The following FSIP2 variants were observed in gnomAD, a reference collection of about 807,000 sequenced individuals.
FSIP2 encodes fibrous sheath interacting protein 2, also known as fibrous sheath-interacting protein 2.
In FSIP2, 367 loss-of-function variants were observed where a neutral mutation model predicts 510.5. The ratio of observed to expected loss-of-function variants is 0.72; its 90% CI spans 0.66 to 0.78. The LOEUF is 0.78. Among genes scored for constraint, FSIP2 ranks in the 30% least tolerant of loss-of-function variants. The pLI is 0.00. For missense variants in FSIP2, 7,594 were observed against 7,901.7 expected (o/e 0.96, Z 1.48); for synonymous variants, 2,601 against 2,732.2 (o/e 0.95, Z 1.50).
chr2:185,739,732 T>A (rs934418040), intron 2 of FSIP2, among the ~76,000 whole-genome samples: 1 of 152,186 alleles, frequency 6.6e-6, no homozygotes, highest in Non-Finnish European at 1.5e-5. Flanking sequence ...ATATTCCTTA[T>A]AATAAAACTT....
intron 19 of FSIP2, among the ~76,000 whole-genome samples, chr2:185,815,850 C>T (rs1031821997): frequency 1.3e-5 from 2 of 151,898 alleles, no homozygotes; most frequent in Non-Finnish European, 2.9e-5. Context: ...ACTGTCATTG[C>T]CTATAAGAAG....
chr2:185,804,885 C>G lies in FSIP2; in HGVS notation c.15579C>G (p.Ser5193=). 1 of 1,524,350 alleles carries G rather than the reference C, an allele frequency of 6.6e-7. No individual in the cohort carries two copies. The highest frequency in any genetic ancestry group is 1.2e-5 in the South Asian group (1 of 81,980). 94.4% of individuals were successfully genotyped at this position (1,524,350 alleles called of 1,614,324 possible). ...AACCTATTGAAAATTTGGTCGACTC[C>G]ATATGTAATAATATTTTGAAAACAT... is the stretch of plus-strand genomic sequence containing the variant. ...QLEPIENLVD[S]ICNNILKTSE... The change falls in exon 17 of 23, where the codon TCC becomes TCG. Residue 5193 remains serine (S), a synonymous_variant. Coordinates refer to ENST00000424728, the MANE Select transcript of FSIP2 (RefSeq NM_173651.4).
In FSIP2 at chr2:185,802,280, A is replaced by G. The variant is rs1438181905; in HGVS notation, c.12974A>G (p.His4325Arg). ...TTGTCAAAGATTTTCAGCCCAAAGC[A>G]TAACACTGAAATTGAGTTGAAAAAC... ...RLLSKIFSPK[H>R]NTEIELKNMT... The change falls in exon 17 of 23, where the codon CAT (histidine) becomes CGT (arginine). Residue 4325 changes from histidine (H) to arginine (R), a missense_variant. Coordinates refer to ENST00000424728, the MANE Select transcript of FSIP2 (RefSeq NM_173651.4). 5 of 1,533,736 alleles carry G rather than the reference A, an allele frequency of 3.3e-6. No homozygotes were observed. In the African/African-American group the frequency reaches 5.5e-5, roughly 17 times the overall value.
At position 185,808,837 on chromosome 2, in the gene FSIP2, A is replaced by C; in HGVS notation, c.19531A>C (p.Asn6511His). 1 of 1,612,652 alleles carries C rather than the reference A, an allele frequency of 6.2e-7. No individual in the cohort carries two copies. Among genetic ancestry groups the C allele is most frequent in the Non-Finnish European group, 8.5e-7 (1 of 1,179,388 alleles). ...ATTAGAGCAAGAAAAGTTAGATCAAAATTTATCTGAAGAGGAATCTCCAAT... is the reference window on the plus strand; with the variant it reads ...ATTAGAGCAAGAAAAGTTAGATCAACATTTATCTGAAGAGGAATCTCCAAT... ...PELEQEKLDQNLSEEESPIKI... is the reference protein window; with the variant it reads ...PELEQEKLDQHLSEEESPIKI... The change falls in exon 17 of 23, where the codon AAT becomes CAT. Residue 6511 changes from asparagine (N) to histidine (H), a missense_variant. Coordinates refer to ENST00000424728, the MANE Select transcript of FSIP2 (RefSeq NM_173651.4).
In FSIP2 at chr2:185,801,708, T is replaced by C. The variant is rs56821185; in HGVS notation, c.12402T>C (p.Tyr4134=). ...CTCTACCCAGGTCTTCATCAGACTA[T>C]AGTACCATGTTATCACATTCATTTT... The part of the protein sequence containing the change: ...FTSLPRSSSD[Y]STMLSHSFLE... Residue 4134 remains tyrosine (Y), a synonymous_variant, in exon 17 of 23, where the codon TAT becomes TAC. Transcript: ENST00000424728. 2,084 of 1,529,512 alleles carry C rather than the reference T, an allele frequency of 1.4e-3. 20 individuals carry two copies. The African/African-American group carries it at 0.026, about 19-fold the overall frequency. The allele number at this position is 1,529,512 out of a possible 1,614,324, so 94.7% of individuals were successfully genotyped here. A position where few individuals can be genotyped will look rare whatever the true frequency, so the allele number is the denominator to read the frequency against.
At chr2:185,762,187 G>A (rs1349712866) in intron 11 of FSIP2, among the ~76,000 whole-genome samples, 170 bp downstream of exon 11, 2 of 151,128 alleles carry the variant, frequency 1.3e-5, no homozygotes, top group Non-Finnish European at 3.0e-5. Context: ...CCATATATTT[G>A]AGTGATTGCT....
chr2:185,809,128 C>A lies in FSIP2; in HGVS notation c.19822C>A (p.Leu6608Ile). Residue 6608 changes from leucine to isoleucine, a missense_variant, in exon 17 of 23, where the codon CTA becomes ATA. By Grantham distance (5) the Leu-to-Ile change is conservative (BLOSUM62 2). Coordinates refer to ENST00000424728, the MANE Select transcript of FSIP2 (RefSeq NM_173651.4). The part of the protein sequence containing the change: ...DKTGRLDVKP[L>I]EAVARNSFQN... ...GACTGGAAGACTGGATGTAAAACCC[C>A]TAGAGGTAAGTGCAAAAGCAATGGC... 2 of 1,557,294 alleles carry A rather than the reference C, an allele frequency of 1.3e-6. No individual in the cohort carries two copies. Among genetic ancestry groups the A allele is most frequent in the Non-Finnish European group, 1.7e-6 (2 of 1,159,272 alleles).
At chr2:185,763,584 C>T (rs2105560914) in intron 12 of FSIP2, among the ~76,000 whole-genome samples, 1 of 151,586 alleles carries the variant, frequency 6.6e-6, no homozygotes, top group South Asian at 2.1e-4. Flanking sequence ...TGATCAGTTA[C>T]CTGCTGTTCG....
At chr2:185,778,849 AAAT>A in intron 13 of FSIP2, among the ~76,000 whole-genome samples, 1 of 152,202 alleles carries the variant, frequency 6.6e-6, no homozygotes, top group East Asian at 1.9e-4. Context: ...AAATTATTGA[AAAT>A]AATGATAGTG....
chr2:185,739,196 G>C, intron 1 of FSIP2, 150 bp from the exon 2 acceptor site: 1 of 1,125,078 alleles, frequency 8.9e-7, no homozygotes, highest in Non-Finnish European at 1.2e-6. Context: ...AGGAGAGCTG[G>C]TGACCAGGGA....
At chr2:185,753,575 C>T in intron 7 of FSIP2, 147 bp from the exon 8 acceptor site, 1 of 458,362 alleles carries the variant, frequency 2.2e-6, no homozygotes. Context: ...GAAATTTGCC[C>T]CTTACTACTC....
chr2:185,800,737 T>G lies in FSIP2; in HGVS notation c.11431T>G (p.Cys3811Gly). The change falls in exon 17 of 23, where the codon TGT (cysteine) becomes GGT (glycine). Residue 3811 changes from cysteine to glycine, a missense_variant. By Grantham distance (159) the Cys-to-Gly change is radical (BLOSUM62 -3). Transcript: ENST00000424728. ...TGATTATCGTAAGGGAGGAATGGAC[T>G]GTGAATGCCTTCAAGTAGATTACAT... Reference protein sequence around the residue: ...KSDYRKGGMDCECLQVDYMSD... With the variant: ...KSDYRKGGMDGECLQVDYMSD... The G allele has an allele frequency of 6.5e-7, 1 of 1,533,710 alleles. No individual in the cohort carries two copies. The highest frequency in any genetic ancestry group is 8.7e-7 in the Non-Finnish European group (1 of 1,145,382).
chr2:185,747,344 C>T lies in FSIP2; in HGVS notation c.791C>T (p.Thr264Ile), dbSNP rs1356710253. 6.5e-7 allele frequency: 1 copy of T among 1,531,358 alleles called. No individual in the cohort carries two copies. The highest frequency in any genetic ancestry group is 8.8e-7 in the Non-Finnish European group (1 of 1,142,844). 94.9% of individuals were successfully genotyped at this position (1,531,358 alleles called of 1,614,324 possible). The stretch of plus-strand genomic sequence containing the variant: ...AAGACAAAAGAGATGTTACTTCTGA[C>T]AAGGATGGCAGAAGATGTTAAAAGA... Reference protein sequence around the residue: ...EWKTKEMLLLTRMAEDVKREE... With the variant: ...EWKTKEMLLLIRMAEDVKREE... The change falls in exon 7 of 23, where the codon ACA (threonine) becomes ATA (isoleucine). Residue 264 changes from threonine to isoleucine, a missense_variant. Coordinates refer to ENST00000424728, the MANE Select transcript of FSIP2 (RefSeq NM_173651.4).
rs1693646181 is a variant in FSIP2 at position 185,808,516 on chromosome 2, G to A, written c.19210G>A (p.Asp6404Asn). The A allele has an allele frequency of 1.9e-6, 3 of 1,611,596 alleles. No individual in the cohort carries two copies. The highest frequency in any genetic ancestry group is 2.5e-6 in the Non-Finnish European group (3 of 1,179,102). The stretch of plus-strand genomic sequence containing the variant: ...AAGTAGCATTAGTCTAATAGCTTCT[G>A]ATCCTGAAGAGCACTGTTTAAATCC... The part of the protein sequence containing the change: ...SRSSISLIAS[D>N]PEEHCLNPEN... Residue 6404 changes from aspartate (D) to asparagine (N), a missense_variant, in exon 17 of 23, where the codon GAT (aspartate) becomes AAT (asparagine). Transcript: ENST00000424728.
At chr2:185,798,522 T>C (rs1298267356) in intron 16 of FSIP2, among the ~76,000 whole-genome samples, 4 of 151,844 alleles carry the variant, frequency 2.6e-5, no homozygotes, top group Admixed American at 2.6e-4. Flanking sequence ...CAGATCTAGG[T>C]CAGTAGTTTC....
rs1692056236 is a variant in FSIP2 at position 185,747,441 on chromosome 2, C to T, written c.870+18C>T. On this transcript the variant is annotated intron_variant, in intron 7 of 22. Coordinates refer to ENST00000424728, the MANE Select transcript of FSIP2 (RefSeq NM_173651.4). ...ACAGGAAGGTAGGGTGAGCTTTAAC[C>T]TCTAACTTGAGCTGTTCGAAGAGAA... 2.2e-6 allele frequency: 3 copies of T among 1,339,300 alleles called. No homozygotes were observed. The highest frequency in any genetic ancestry group is 1.4e-5 in the African/African-American group (1 of 69,164). 83.0% of individuals were successfully genotyped at this position (1,339,300 alleles called of 1,614,324 possible). A position where few individuals can be genotyped will look rare whatever the true frequency, so the allele number is the denominator to read the frequency against.
Position 185,789,193 on chromosome 2 carries a change from T to C in FSIP2, c.2057T>C (p.Met686Thr). The C allele has an allele frequency of 6.5e-7, 1 of 1,534,440 alleles. No homozygotes were observed. Among genetic ancestry groups the C allele is most frequent in the East Asian group, 2.4e-5 (1 of 40,868 alleles). ...CDKTAKAMDE[M>T]KNLKNVFVNF... ...AAAACAGCAAAAGCCATGGATGAAA[T>C]GAAGAATTTAAAAAATGTTTTTGTT... Residue 686 changes from methionine (M) to threonine (T), a missense_variant, in exon 16 of 23, where the codon ATG (methionine) becomes ACG (threonine). Coordinates refer to ENST00000424728, the MANE Select transcript of FSIP2 (RefSeq NM_173651.4).
rs1339816240 is a variant in FSIP2 at position 185,808,996 on chromosome 2, C to T, written c.19690C>T (p.His6564Tyr). 2 of 1,612,702 alleles carry T rather than the reference C, an allele frequency of 1.2e-6. No homozygotes were observed. The highest frequency in any genetic ancestry group is 1.3e-5 in the African/African-American group (1 of 74,810). ...GCAGGAGTGTTTGAAAAGAACTGGA[C>T]ATAGCATAGCAGAACTGAGAAGAGC... Reference protein sequence around the residue: ...LKQECLKRTGHSIAELRRASI... With the variant: ...LKQECLKRTGYSIAELRRASI... Residue 6564 changes from histidine (H) to tyrosine (Y), a missense_variant, in exon 17 of 23, where the codon CAT (histidine) becomes TAT (tyrosine). His to Tyr is a moderately conservative substitution (Grantham distance 83). Transcript: ENST00000424728.
rs1369794842 is a variant in FSIP2 at position 185,806,283 on chromosome 2, C to G, written c.16977C>G (p.Asp5659Glu). 1 of 1,608,616 alleles carries G rather than the reference C, an allele frequency of 6.2e-7. No homozygotes were observed. Among genetic ancestry groups the G allele is most frequent in the South Asian group, 1.1e-5 (1 of 90,522 alleles). The change falls in exon 17 of 23, where the codon GAC becomes GAG. Residue 5659 changes from aspartate (D) to glutamate (E), a missense_variant. Physicochemically the swap from Asp to Glu is conservative, Grantham distance 45. Transcript: ENST00000424728. Reference protein sequence around the residue: ...IRTSSNEGRRDSPTQTCRDEE... With the variant: ...IRTSSNEGRRESPTQTCRDEE... ...CATCAAGCAATGAGGGGAGAAGAGA[C>G]TCTCCAACACAAACGTGTAGGGATG... is the stretch of plus-strand genomic sequence containing the variant.
Sources: gnomAD v4.1 joint callset for allele counts (sites outside exome capture counted in the v4.1 genomes callset) on GRCh38, gnomAD v4.1.1 for gene constraint, MANE v1.5 for transcripts, NCBI Gene and HGNC (gene_info 2026-07-23, HGNC 2026-07-21) for gene names.